Variants in AGBL1 observed in about 807,000 individuals in gnomAD.
AGBL1 encodes AGBL carboxypeptidase 1.
A neutral mutation model predicts 118.9 loss-of-function variants in AGBL1; 130 were observed. That is an observed-to-expected ratio of 1.09 (90% CI 0.95 to 1.26). The LOEUF (loss-of-function observed/expected upper bound fraction) is 1.26. AGBL1 is among the 50% of genes most tolerant of loss of function. The pLI is 0.00. For missense variants in AGBL1, 1,584 were observed against 1,298.1 expected (o/e 1.22, Z -3.38); for synonymous variants, 555 against 478.9 (o/e 1.16, Z -2.08).
intron 5 of AGBL1, among the ~76,000 whole-genome samples, chr15:86,189,793 C>G (rs1208206770): frequency 3.9e-5 from 6 of 152,192 alleles, no homozygotes; most frequent in Admixed American, 2.6e-4. Flanking sequence ...ATTACCCAGT[C>G]TCACGTCTTC....
At chr15:86,737,698 A>C (rs144307778) in intron 22 of AGBL1, among the ~76,000 whole-genome samples, 1 of 152,308 alleles carries the variant, frequency 6.6e-6, no homozygotes, top group South Asian at 2.1e-4. Flanking sequence ...AAGATCCCAC[A>C]TACTGCTGCT....
At chr15:86,673,907 T>G (rs1030482600) in intron 21 of AGBL1, among the ~76,000 whole-genome samples, 4 of 152,158 alleles carry the variant, frequency 2.6e-5, no homozygotes, top group African/African-American at 4.8e-5. Flanking sequence ...TATGAACTTC[T>G]GTTTCAGAAG....
intron 1 of AGBL1, among the ~76,000 whole-genome samples, chr15:86,092,877 C>T (rs552000355): frequency 3.3e-5 from 5 of 152,236 alleles, no homozygotes; most frequent in East Asian, 1.9e-4. Flanking sequence ...GGCATTAATT[C>T]CTTCATGAGA....
At chr15:86,584,936 TTG>T (rs1245830960) in intron 21 of AGBL1, among the ~76,000 whole-genome samples, 1 of 152,160 alleles carries the variant, frequency 6.6e-6, no homozygotes, top group Non-Finnish European at 1.5e-5. Flanking sequence ...TTTATTTTAT[TTG>T]TGTGACTATT....
At chr15:86,481,349 A>G (rs12101760) in intron 18 of AGBL1, among the ~76,000 whole-genome samples, 1,630 of 152,114 alleles carry the variant, frequency 0.011, 28 homozygotes, top group African/African-American at 0.037. Context: ...GGATCACACA[A>G]AGGGCTGGGA....
chr15:86,361,620 G>C (rs1022301244), intron 17 of AGBL1, among the ~76,000 whole-genome samples: 1 of 151,760 alleles, frequency 6.6e-6, no homozygotes, highest in Non-Finnish European at 1.5e-5. Flanking sequence ...TATATATTTA[G>C]GTTCTTTGAT....
At chr15:86,187,346 A>G (rs2077648708) in intron 5 of AGBL1, among the ~76,000 whole-genome samples, 1 of 152,240 alleles carries the variant, frequency 6.6e-6, no homozygotes, top group South Asian at 2.1e-4. Context: ...GTTGGAAGCT[A>G]TAGTTAAAAC....
intron 5 of AGBL1, among the ~76,000 whole-genome samples, chr15:86,183,908 A>C (rs1287526389): frequency 6.6e-6 from 1 of 152,196 alleles, no homozygotes; most frequent in Non-Finnish European, 1.5e-5. Context: ...ATCAAGAGTC[A>C]ATGAGGCAGA....
intron 24 of AGBL1, among the ~76,000 whole-genome samples, chr15:86,998,290 A>G (rs1369254767): frequency 6.6e-6 from 1 of 152,148 alleles, no homozygotes; most frequent in Non-Finnish European, 1.5e-5. Flanking sequence ...AATTGACTCT[A>G]TCCTTTCATG....
chr15:86,671,184 C>T (rs2085740039), intron 21 of AGBL1, among the ~76,000 whole-genome samples: 2 of 152,116 alleles, frequency 1.3e-5, no homozygotes, highest in Middle Eastern at 3.4e-3. Context: ...TGTGCTGGTG[C>T]CGTTGTGCCA....
chr15:86,981,432 T>A (rs1478087358), intron 23 of AGBL1, among the ~76,000 whole-genome samples: 1 of 152,206 alleles, frequency 6.6e-6, no homozygotes, highest in African/African-American at 2.4e-5. Context: ...TTTGTTTAAT[T>A]TGAATTTCAT....
chr15:86,446,441 T>G (rs1447271967), intron 18 of AGBL1, among the ~76,000 whole-genome samples: 1 of 152,256 alleles, frequency 6.6e-6, no homozygotes, highest in Non-Finnish European at 1.5e-5. Flanking sequence ...CTCAAGTGAA[T>G]GCTCTGAAGC....
At chr15:86,770,772 C>A (rs1353037538) in intron 22 of AGBL1, among the ~76,000 whole-genome samples, 1 of 152,020 alleles carries the variant, frequency 6.6e-6, no homozygotes, top group Admixed American at 6.6e-5. Flanking sequence ...TTCCCCAAGG[C>A]TACTGAAGAC....
intron 21 of AGBL1, among the ~76,000 whole-genome samples, chr15:86,635,938 TAGG>T (rs1168567543): frequency 6.6e-6 from 1 of 152,164 alleles, no homozygotes; most frequent in Non-Finnish European, 1.5e-5. Flanking sequence ...CAGTTGGAGA[TAGG>T]AGAGTTATTA....
chr15:86,521,393 A>T (rs929014496), intron 18 of AGBL1, among the ~76,000 whole-genome samples: 3 of 152,304 alleles, frequency 2.0e-5, no homozygotes, highest in African/African-American at 7.2e-5. Context: ...GAGTTACTAT[A>T]TTAGAGTTTT....
intron 18 of AGBL1, among the ~76,000 whole-genome samples, chr15:86,513,324 TGTTTCCTCATTATTAA>T (rs1469665980): frequency 6.6e-6 from 1 of 152,012 alleles, no homozygotes; most frequent in African/African-American, 2.4e-5. Context: ...GTTTGTCTGA[TGTTTCCTCATTATTAA>T]ATAGTGGCTT....
chr15:86,520,675 CT>C (rs1163058065), intron 18 of AGBL1, among the ~76,000 whole-genome samples: 1 of 152,026 alleles, frequency 6.6e-6, no homozygotes, highest in African/African-American at 2.4e-5. Flanking sequence ...AGCAGAAATG[CT>C]TTTAAAGGGC....
chr15:86,232,217 A>G (rs1280186623), intron 6 of AGBL1, among the ~76,000 whole-genome samples: 2 of 152,198 alleles, frequency 1.3e-5, no homozygotes, highest in Non-Finnish European at 2.9e-5. Flanking sequence ...GTTTAAGCTA[A>G]AGGGATACTA....
chr15:86,691,604 G>T (rs867826919), intron 22 of AGBL1, among the ~76,000 whole-genome samples: 3 of 152,160 alleles, frequency 2.0e-5, no homozygotes, highest in Non-Finnish European at 4.4e-5. Context: ...ATTGAGGTGG[G>T]TTTCAGACAT....
Sources: gnomAD v4.1 joint callset for allele counts (sites outside exome capture counted in the v4.1 genomes callset) on GRCh38, gnomAD v4.1.1 for gene constraint, MANE v1.5 for transcripts, NCBI Gene and HGNC (gene_info 2026-07-23, HGNC 2026-07-21) for gene names.